Variants in THRB observed in about 807,000 individuals in gnomAD.
The protein encoded by THRB is thyroid hormone receptor beta.
A neutral mutation model predicts 47.8 loss-of-function variants in THRB; 12 were observed. The observed-to-expected ratio is 0.25, with a 90% confidence interval of 0.16 to 0.41. The LOEUF is 0.41. THRB is among the 10% of genes least tolerant of loss of function. The pLI, the probability that THRB is intolerant of heterozygous loss-of-function variation, is 1.00. For missense variants in THRB, 348 were observed against 589.2 expected, an observed-to-expected ratio of 0.59 and a Z score of 4.24; for synonymous variants, 218 against 212.2, an observed-to-expected ratio of 1.03 and a Z score of -0.24.
intron 1 of THRB, among the ~76,000 whole-genome samples, chr3:24,372,074 G>A (rs1560042647): frequency 6.6e-6 from 1 of 152,022 alleles, no homozygotes; most frequent in Non-Finnish European, 1.5e-5. Context: ...GGACTTCCAT[G>A]ACAAATCTGT....
intron 4 of THRB, among the ~76,000 whole-genome samples, chr3:24,219,819 T>C (rs192713797): frequency 8.5e-5 from 13 of 152,344 alleles, no homozygotes; most frequent in Admixed American, 8.5e-4. Context: ...TTAGGTAAGA[T>C]GGTTGGATAG....
intron 10 of THRB, among the ~76,000 whole-genome samples, chr3:24,125,871 A>T (rs1339671438): frequency 2.6e-5 from 4 of 152,176 alleles, no homozygotes; most frequent in Non-Finnish European, 5.9e-5. Flanking sequence ...GGTCCTGCAC[A>T]CACTGAAGGA....
At chr3:24,395,877 G>T (rs1373917551) in intron 1 of THRB, among the ~76,000 whole-genome samples, 2 of 152,074 alleles carry the variant, frequency 1.3e-5, no homozygotes, top group Non-Finnish European at 2.9e-5. Context: ...TCCACCAACT[G>T]GTGAATGGGT....
chr3:24,379,797 C>A (rs2065560560), intron 1 of THRB, among the ~76,000 whole-genome samples: 1 of 152,036 alleles, frequency 6.6e-6, no homozygotes, highest in Admixed American at 6.6e-5. Context: ...CAAACTAATT[C>A]TTGTTCTCTT....
chr3:24,371,698 A>G (rs1001248723), intron 1 of THRB, among the ~76,000 whole-genome samples: 4 of 152,276 alleles, frequency 2.6e-5, no homozygotes, highest in Admixed American at 2.6e-4. Flanking sequence ...TAGCAGAAGC[A>G]TCTCCAGGGC....
intron 3 of THRB, among the ~76,000 whole-genome samples, chr3:24,272,292 G>A (rs1004451784): frequency 1.3e-5 from 2 of 152,044 alleles, no homozygotes; most frequent in African/African-American, 2.4e-5. Context: ...GCAACAGTGA[G>A]TAGTGATCGC....
intron 2 of THRB, chr3:24,318,591 A>G (rs1434861268): frequency 6.6e-6 from 1 of 152,206 alleles, no homozygotes. Context: ...GAGTCTTTCA[A>G]AAAAGAGGGG....
At chr3:24,149,276 A>G (rs569065458) in intron 6 of THRB, among the ~76,000 whole-genome samples, 111 of 152,280 alleles carry the variant, frequency 7.3e-4, no homozygotes, top group African/African-American at 2.4e-3. Flanking sequence ...TAGAGGTAGA[A>G]ATACCAAAGT....
chr3:24,410,437 G>A (rs181197986), intron 1 of THRB, among the ~76,000 whole-genome samples: 19 of 151,908 alleles, frequency 1.3e-4, no homozygotes, highest in African/African-American at 3.1e-4. Flanking sequence ...GCAGAGAGCC[G>A]TATTTCCAAG....
chr3:24,426,848 G>T (rs1449935685), intron 1 of THRB, among the ~76,000 whole-genome samples: 1 of 151,824 alleles, frequency 6.6e-6, no homozygotes, highest in Non-Finnish European at 1.5e-5. Flanking sequence ...CTGTATAAAA[G>T]AAAATATACC....
At chr3:24,302,703 T>C (rs1419358530) in intron 2 of THRB, among the ~76,000 whole-genome samples, 1 of 152,226 alleles carries the variant, frequency 6.6e-6, no homozygotes, top group African/African-American at 2.4e-5. Flanking sequence ...GCATTTACTA[T>C]ACTTCTTCTC....
rs33999392 is a variant in THRB, at chr3:24,390,784, TAA to T, written c.-260-53415_-260-53414del. On this transcript the variant is annotated intron_variant, in intron 1 of 10. Transcript: ENST00000646209. ...CAGCTGCTTCCCAATCTTTACTTTGTAAAAAAAAAAAAAATATATATATATAT... is the reference window on the plus strand; with the variant it reads ...CAGCTGCTTCCCAATCTTTACTTTGTAAAAAAAAAAAATATATATATATAT... Among the ~76,000 whole-genome samples, 92 of 138,222 alleles carry T rather than the reference TAA, an allele frequency of 6.7e-4. 1 individual carries two copies. Among genetic ancestry groups the T allele is most frequent in the Middle Eastern group, 3.6e-3 (1 of 274 alleles). The allele number at this position is 138,222 out of a possible 152,430, so 90.7% of individuals were successfully genotyped here.
chr3:24,488,731 C>T (rs1343670804), intron 1 of THRB, among the ~76,000 whole-genome samples: 2 of 152,124 alleles, frequency 1.3e-5, no homozygotes, highest in Admixed American at 6.5e-5. Flanking sequence ...AGATCCTTCA[C>T]TGCCTTAAAT....
intron 8 of THRB, among the ~76,000 whole-genome samples, chr3:24,135,588 C>G (rs2034518497): frequency 6.6e-6 from 1 of 151,962 alleles, no homozygotes; most frequent in Admixed American, 6.6e-5. Flanking sequence ...ACATGTACAG[C>G]CTCCTTCTAC....
intron 6 of THRB, among the ~76,000 whole-genome samples, chr3:24,147,607 G>A (rs2036264488): frequency 1.3e-5 from 2 of 152,174 alleles, no homozygotes; most frequent in South Asian, 4.1e-4. Context: ...AGGTTTGGGT[G>A]ACTTAGGTAA....
chr3:24,140,192 C>CT (rs781430671), intron 8 of THRB, among the ~76,000 whole-genome samples: 2 of 152,134 alleles, frequency 1.3e-5, no homozygotes, highest in Admixed American at 6.6e-5. Flanking sequence ...TGTAAACTGG[C>CT]TAAGACACAG....
intron 4 of THRB, among the ~76,000 whole-genome samples, chr3:24,217,649 G>A (rs1297763287): frequency 6.6e-6 from 1 of 151,886 alleles, no homozygotes; most frequent in Non-Finnish European, 1.5e-5. Context: ...ACATTTTATT[G>A]GCAGTAGTGG....
At chr3:24,167,988 T>G (rs1466456047) in intron 5 of THRB, among the ~76,000 whole-genome samples, 1 of 152,176 alleles carries the variant, frequency 6.6e-6, no homozygotes, top group Admixed American at 6.6e-5. Context: ...GTATTTTTAT[T>G]GAATTTAAAA....
At chr3:24,198,385 G>C (rs534088156) in intron 4 of THRB, among the ~76,000 whole-genome samples, 1 of 150,088 alleles carries the variant, frequency 6.7e-6, no homozygotes, top group East Asian at 2.0e-4. Context: ...AAGAATACAT[G>C]AGCCAACACA....
Sources: gnomAD v4.1 joint callset for allele counts (sites outside exome capture counted in the v4.1 genomes callset) on GRCh38, gnomAD v4.1.1 for gene constraint, MANE v1.5 for transcripts, NCBI Gene and HGNC (gene_info 2026-07-23, HGNC 2026-07-21) for gene names.